Variants in GABRG3 observed in about 807,000 individuals in gnomAD.
GABRG3 encodes the protein gamma-aminobutyric acid receptor subunit gamma-3.
GABRG3 carries 25 observed loss-of-function variants against 48.8 expected under a neutral mutation model. That is an observed-to-expected ratio of 0.51 (90% confidence interval 0.37 to 0.72). The LOEUF is 0.72. Ranked by LOEUF, GABRG3 falls within the 30% of genes least tolerant of loss-of-function variation. The pLI, the probability that GABRG3 is intolerant of heterozygous loss-of-function variation, is 0.00. For missense variants in GABRG3, 394 were observed against 577.9 expected (o/e 0.68, Z 3.26); for synonymous variants, 227 against 217.6 (o/e 1.04, Z -0.38).
chr15:27,230,178 C>G (rs536179021), intron 3 of GABRG3, among the ~76,000 whole-genome samples: 29 of 152,142 alleles, frequency 1.9e-4, no homozygotes, highest in African/African-American at 5.8e-4. Flanking sequence ...ATGGGATTGC[C>G]TTTCTGATTT....
intron 5 of GABRG3, among the ~76,000 whole-genome samples, chr15:27,379,795 C>T (rs1435514536): frequency 6.6e-6 from 1 of 152,184 alleles, no homozygotes; most frequent in Non-Finnish European, 1.5e-5. Flanking sequence ...CTCTTATCCT[C>T]TGCTTCTCTA....
intron 3 of GABRG3, among the ~76,000 whole-genome samples, chr15:27,032,188 A>G (rs925514236): frequency 6.6e-6 from 1 of 152,078 alleles, no homozygotes; most frequent in Admixed American, 6.5e-5. Flanking sequence ...TCTTGATTTC[A>G]GTTATTATGT....
chr15:27,458,081 C>T (rs781731755), intron 5 of GABRG3, among the ~76,000 whole-genome samples: 92 of 152,198 alleles, frequency 6.0e-4, no homozygotes, highest in Non-Finnish European at 1.1e-3. Flanking sequence ...CTGTCTCAGT[C>T]CCCCCTCCCT....
At chr15:27,118,985 G>A (rs1331009426) in intron 3 of GABRG3, among the ~76,000 whole-genome samples, 1 of 152,150 alleles carries the variant, frequency 6.6e-6, no homozygotes, top group Non-Finnish European at 1.5e-5. Context: ...GTCACTCACA[G>A]ACATTCTCCT....
intron 3 of GABRG3, chr15:27,280,224 A>G (rs1490329217): frequency 1.3e-5 from 2 of 151,844 alleles, no homozygotes; most frequent in Admixed American, 1.3e-4. Context: ...TAGATTATTG[A>G]TATGTTTTTC....
intron 2 of GABRG3, among the ~76,000 whole-genome samples, chr15:26,986,122 G>A (rs183078300): frequency 6.6e-6 from 1 of 152,206 alleles, no homozygotes; most frequent in Non-Finnish European, 1.5e-5. Context: ...AGTTCAGCCT[G>A]GCCAGTCCTC....
In GABRG3 at chr15:27,541,066, G is replaced by C. The variant is rs1891653017; in HGVS notation, c.*8185G>C. The C allele has an allele frequency of 6.6e-6, 1 of 152,146 alleles. No homozygotes were observed. Among genetic ancestry groups the C allele is most frequent in the African/African-American group, 2.4e-5 (1 of 41,418 alleles). The allele number at this position is 152,146 out of a possible 1,614,324, so 9.4% of individuals were successfully genotyped here. A position where few individuals can be genotyped will look rare whatever the true frequency, so the allele number is the denominator to read the frequency against. On this transcript the variant is annotated 3_prime_UTR_variant, in exon 10 of 10. Transcript: ENST00000615808. ...AATCTGTACATTTCCTGACAAAGTG[G>C]GATCATGTTCTTTCCAAGAAAAGGA...
chr15:27,493,946 A>C (rs1339865437), intron 6 of GABRG3, among the ~76,000 whole-genome samples: 2 of 152,194 alleles, frequency 1.3e-5, no homozygotes, highest in East Asian at 3.9e-4. Context: ...TGAGGGACTA[A>C]GGCTTGGCTC....
intron 3 of GABRG3, among the ~76,000 whole-genome samples, chr15:27,267,097 T>G (rs1890943108): frequency 7.2e-6 from 1 of 139,736 alleles, no homozygotes; most frequent in Non-Finnish European, 1.5e-5. Context: ...ACATCTAGTC[T>G]TTTACTTTTT....
In GABRG3 at chr15:27,230,195, C is replaced by A. The variant is rs142110089; in HGVS notation, c.271-96614C>A. 9.9e-4 allele frequency among the ~76,000 whole-genome samples: 151 copies of A among 152,264 alleles called. 5 individuals are homozygous for A. The highest frequency in any genetic ancestry group is 8.5e-3 in the Admixed American group (130 of 15,294). On this transcript the variant is annotated intron_variant, in intron 3 of 9. Coordinates refer to ENST00000615808, the MANE Select transcript of GABRG3 (RefSeq NM_033223.5). The stretch of plus-strand genomic sequence containing the variant: ...GGGATTGCCTTTCTGATTTGACTCT[C>A]AGTTTGGTTGTAATAACATAAAATT...
intron 3 of GABRG3, among the ~76,000 whole-genome samples, chr15:27,203,644 T>G (rs1338152716): frequency 6.6e-6 from 1 of 152,146 alleles, no homozygotes; most frequent in South Asian, 2.1e-4. Flanking sequence ...TCTGAACTAA[T>G]TTACATTCCC....
chr15:27,392,860 A>G (rs764077573), intron 5 of GABRG3, among the ~76,000 whole-genome samples: 11 of 152,178 alleles, frequency 7.2e-5, no homozygotes, highest in Non-Finnish European at 1.6e-4. Context: ...AGCGTTGGCC[A>G]TTGGGAGCAC....
At chr15:27,010,885 G>A (rs1034526031) in intron 2 of GABRG3, among the ~76,000 whole-genome samples, 5 of 151,932 alleles carry the variant, frequency 3.3e-5, no homozygotes, top group African/African-American at 4.8e-5. Context: ...TCACTTTGTC[G>A]CCCAGGGTGG....
At chr15:26,999,853 A>G (rs975830110) in intron 2 of GABRG3, among the ~76,000 whole-genome samples, 1 of 151,950 alleles carries the variant, frequency 6.6e-6, no homozygotes, top group Non-Finnish European at 1.5e-5. Context: ...CTGTATCTTC[A>G]AGTTCACTAT....
chr15:27,273,181 T>C (rs1304373215), intron 3 of GABRG3, among the ~76,000 whole-genome samples: 1 of 152,230 alleles, frequency 6.6e-6, no homozygotes, highest in African/African-American at 2.4e-5. Flanking sequence ...CGGGATTCTA[T>C]CTGATACATG....
chr15:27,341,417 C>A (rs552820753), intron 5 of GABRG3, among the ~76,000 whole-genome samples: 1 of 152,086 alleles, frequency 6.6e-6, no homozygotes, highest in Non-Finnish European at 1.5e-5. Context: ...AAACTTGAAC[C>A]AAGCTGAGTG....
At chr15:27,474,096 C>G (rs1465861713) in intron 5 of GABRG3, among the ~76,000 whole-genome samples, 1 of 76 alleles carries the variant, frequency 0.013, no homozygotes, top group East Asian at 0.25. Context: ...GCCACACCAC[C>G]CACCACATGA....
At chr15:27,262,377 A>C (rs1394392778) in intron 3 of GABRG3, among the ~76,000 whole-genome samples, 2 of 152,182 alleles carry the variant, frequency 1.3e-5, no homozygotes, top group African/African-American at 4.8e-5. Context: ...ATGCAACAGG[A>C]TGTGTAGAGC....
intron 3 of GABRG3, among the ~76,000 whole-genome samples, chr15:27,048,337 C>G (rs1896399760): frequency 6.6e-6 from 1 of 152,132 alleles, no homozygotes; most frequent in Non-Finnish European, 1.5e-5. Context: ...TGGGCAAATG[C>G]AAGCTCCAGG....
Sources: allele counts gnomAD v4.1 joint callset (sites outside exome capture counted in the v4.1 genomes callset), GRCh38; gene constraint gnomAD v4.1.1; transcripts MANE v1.5; gene names NCBI Gene and HGNC (gene_info 2026-07-23, HGNC 2026-07-21).